Variants in COL25A1 observed in about 807,000 individuals in gnomAD.
The protein encoded by COL25A1 is collagen type XXV alpha 1 chain.
A neutral mutation model predicts 128.4 loss-of-function variants in COL25A1; 103 were observed. The observed-to-expected ratio is 0.80, with a 90% CI of 0.68 to 0.94. COL25A1 has a LOEUF of 0.94. COL25A1 is among the 40% of genes least tolerant of loss of function. The pLI, the probability that COL25A1 is intolerant of heterozygous loss-of-function variation, is 0.00. For synonymous variants in COL25A1, 279 were observed against 277.2 expected (o/e 1.01, Z -0.06); for missense variants, 745 against 840.0 (o/e 0.89, Z 1.40).
intron 30 of COL25A1, 92 bp from the exon 31 acceptor site, chr4:108,841,813 G>A (rs1362673029): frequency 3.0e-6 from 3 of 1,016,788 alleles, no homozygotes. Context: ...AGAGATGTGA[G>A]ACAAGCATCT....
At chr4:109,158,690 T>G (rs1772264098) in intron 3 of COL25A1, among the ~76,000 whole-genome samples, 1 of 152,228 alleles carries the variant, frequency 6.6e-6, no homozygotes, top group African/African-American at 2.4e-5. Flanking sequence ...TACATGGTAC[T>G]GTGCCTCAGT....
At chr4:109,008,751 G>A (rs199879884) in intron 6 of COL25A1, among the ~76,000 whole-genome samples, 30 of 41,816 alleles carry the variant, frequency 7.2e-4, no homozygotes, top group Middle Eastern at 0.011. Context: ...ACATACATGC[G>A]CGCGCACACA....
intron 3 of COL25A1, among the ~76,000 whole-genome samples, chr4:109,148,140 T>C (rs963404372): frequency 1.3e-5 from 2 of 152,144 alleles, no homozygotes; most frequent in Non-Finnish European, 2.9e-5. Flanking sequence ...ATTACTATTG[T>C]CTCTTTTTGT....
intron 3 of COL25A1, among the ~76,000 whole-genome samples, chr4:109,213,814 C>T (rs1168931851): frequency 4.8e-4 from 73 of 152,100 alleles, no homozygotes; most frequent in Admixed American, 4.7e-3. Context: ...TTAATATTGC[C>T]TTTCTCCAGT....
intron 3 of COL25A1, among the ~76,000 whole-genome samples, chr4:109,268,931 T>C (rs1781983308): frequency 6.6e-6 from 1 of 151,972 alleles, no homozygotes; most frequent in Non-Finnish European, 1.5e-5. Context: ...ATGCAAATTC[T>C]TTTTCTTTTT....
intron 3 of COL25A1, among the ~76,000 whole-genome samples, chr4:109,279,694 T>C (rs1264958313): frequency 2.0e-5 from 3 of 152,212 alleles, no homozygotes; most frequent in Non-Finnish European, 2.9e-5. Context: ...AATGTGTACA[T>C]AGGCACATAC....
chr4:109,167,454 T>C (rs1487135781), intron 3 of COL25A1, among the ~76,000 whole-genome samples: 5 of 152,156 alleles, frequency 3.3e-5, no homozygotes, highest in South Asian at 2.1e-4. Flanking sequence ...AACAATAAGT[T>C]TGAGAAATTC....
Position 108,813,838 on chromosome 4 carries a change from A to G in COL25A1, c.*89T>C. 9.8e-7 allele frequency: 1 copy of G among 1,017,092 alleles called. No individual in the cohort carries two copies. Among genetic ancestry groups the G allele is most frequent in the Non-Finnish European group, 1.5e-6 (1 of 658,386 alleles). 63.0% of individuals were successfully genotyped at this position (1,017,092 alleles called of 1,614,324 possible). ...GCAGCCCTATGTAAACATATCTCAGACTTGTAAAATCTGCAATTCAGTTTT... is the reference window on the plus strand; with the variant it reads ...GCAGCCCTATGTAAACATATCTCAGGCTTGTAAAATCTGCAATTCAGTTTT... On this transcript the variant is annotated 3_prime_UTR_variant, in exon 38 of 38. Coordinates refer to ENST00000399132, the MANE Select transcript of COL25A1 (RefSeq NM_198721.4).
chr4:108,968,477 ACT>A (rs1422456189), intron 8 of COL25A1, among the ~76,000 whole-genome samples: 1 of 132,582 alleles, frequency 7.5e-6, no homozygotes, highest in African/African-American at 2.7e-5. Flanking sequence ...TATATTGGCC[ACT>A]CTTTTTTTTT....
intron 11 of COL25A1, among the ~76,000 whole-genome samples, chr4:108,928,270 ACT>A (rs1746306698): frequency 6.6e-6 from 1 of 152,204 alleles, no homozygotes; most frequent in East Asian, 1.9e-4. Context: ...AATTTAAATA[ACT>A]CATGATTCAC....
chr4:108,830,769 G>A (rs984889401), intron 32 of COL25A1, among the ~76,000 whole-genome samples: 28 of 152,254 alleles, frequency 1.8e-4, no homozygotes, highest in Non-Finnish European at 2.8e-4. Flanking sequence ...TTTACCACAC[G>A]GTAAACCCTC....
chr4:109,177,677 G>A (rs1774225230), intron 3 of COL25A1, among the ~76,000 whole-genome samples: 1 of 152,220 alleles, frequency 6.6e-6, no homozygotes, highest in African/African-American at 2.4e-5. Context: ...CTCCCTGCAT[G>A]ATTGATGCAG....
intron 11 of COL25A1, among the ~76,000 whole-genome samples, chr4:108,922,835 G>A (rs1444375694): frequency 1.5e-4 from 23 of 152,156 alleles, no homozygotes; most frequent in Admixed American, 1.5e-3. Flanking sequence ...GGGAATACAT[G>A]TCTTATAGAA....
chr4:108,992,509 C>A (rs186294548), intron 6 of COL25A1, among the ~76,000 whole-genome samples: 54 of 152,254 alleles, frequency 3.5e-4, no homozygotes, highest in African/African-American at 1.3e-3. Flanking sequence ...TACACAACCA[C>A]CATGAACTAT....
intron 6 of COL25A1, among the ~76,000 whole-genome samples, chr4:108,994,381 G>A (rs1156520345): frequency 2.6e-5 from 4 of 152,202 alleles, no homozygotes; most frequent in Non-Finnish European, 2.9e-5. Flanking sequence ...ATTGACCTGC[G>A]AGGCTGCAGC....
At chr4:108,912,327 T>A (rs1744329827) in intron 13 of COL25A1, among the ~76,000 whole-genome samples, 1 of 152,230 alleles carries the variant, frequency 6.6e-6, no homozygotes, top group East Asian at 1.9e-4. Flanking sequence ...ACTCTTGGAA[T>A]TCTAATCTAT....
At chr4:108,836,901 A>G (rs1006743189) in intron 31 of COL25A1, among the ~76,000 whole-genome samples, 4 of 152,098 alleles carry the variant, frequency 2.6e-5, no homozygotes, top group African/African-American at 9.7e-5. Context: ...CAACGTGGCG[A>G]AACCCTGTCT....
chr4:109,289,869 T>C (rs1379918790), intron 3 of COL25A1, among the ~76,000 whole-genome samples: 1 of 149,880 alleles, frequency 6.7e-6, no homozygotes, highest in Non-Finnish European at 1.5e-5. Context: ...TAAGGGCCTG[T>C]TTGCTGTATT....
At chr4:108,917,369 G>A (rs546720777) in intron 13 of COL25A1, among the ~76,000 whole-genome samples, 4 of 152,230 alleles carry the variant, frequency 2.6e-5, no homozygotes, top group East Asian at 1.9e-4. Context: ...ATAATGGGTC[G>A]CAGAGTATAA....
Sources: allele counts gnomAD v4.1 joint callset (sites outside exome capture counted in the v4.1 genomes callset), GRCh38; gene constraint gnomAD v4.1.1; transcripts MANE v1.5; gene names NCBI Gene and HGNC (gene_info 2026-07-23, HGNC 2026-07-21).